Variants in COL5A3 observed in about 807,000 individuals in gnomAD.
The protein encoded by COL5A3 is collagen type V alpha 3 chain.
Under a neutral mutation model 250.0 loss-of-function variants are expected in COL5A3, and 172 were observed. That is an observed-to-expected ratio of 0.69 (90% confidence interval 0.61 to 0.78). COL5A3 has a LOEUF of 0.78. Among genes scored for constraint, COL5A3 ranks in the 30% least tolerant of loss-of-function variants. COL5A3 has a pLI of 0.00. For synonymous variants in COL5A3, 937 were observed against 900.4 expected (o/e 1.04, Z -0.73); for missense variants, 2,340 against 2,334.4 (o/e 1.00, Z -0.05).
intron 45 of COL5A3, among the ~76,000 whole-genome samples, chr19:9,974,899 G>GT (rs2074455835): frequency 6.6e-6 from 1 of 151,898 alleles, no homozygotes; most frequent in African/African-American, 2.4e-5. Context: ...GTTTGTTTTT[G>GT]TTTTTTGTTT....
chr19:9,982,273 T>A (rs561295128), intron 31 of COL5A3, among the ~76,000 whole-genome samples, 155 bp from the exon 32 acceptor site: 34 of 152,036 alleles, frequency 2.2e-4, no homozygotes, highest in African/African-American at 8.0e-4. Flanking sequence ...GCAGCCCTCT[T>A]CTCTCCTCTC....
intron 39 of COL5A3, 45 bp from the exon 40 acceptor site, chr19:9,979,025 G>A: frequency 3.4e-6 from 5 of 1,480,000 alleles, no homozygotes; most frequent in East Asian, 2.3e-5. Context: ...GGGAGGGGAT[G>A]TCTCCCTCCA....
intron 65 of COL5A3, among the ~76,000 whole-genome samples, chr19:9,961,247 C>T (rs1167427385): frequency 2.0e-5 from 3 of 152,206 alleles, no homozygotes; most frequent in African/African-American, 4.8e-5. Context: ...GTCCCTGATA[C>T]CAGATTTCTG....
chr19:9,980,307 G>A (rs551293851), intron 35 of COL5A3, among the ~76,000 whole-genome samples: 1 of 152,296 alleles, frequency 6.6e-6, no homozygotes, highest in Admixed American at 6.5e-5. Flanking sequence ...CACAGTAGGT[G>A]AGTGGCAGAG....
intron 39 of COL5A3, 76 bp from the exon 40 acceptor site, chr19:9,979,056 T>A (rs2086966465): frequency 6.8e-7 from 1 of 1,464,240 alleles, no homozygotes; most frequent in Non-Finnish European, 9.2e-7. Context: ...CAGGGCCCCC[T>A]CCCCCATGAG....
At chr19:10,002,603 C>T (rs1192147498) in intron 6 of COL5A3, among the ~76,000 whole-genome samples, 3 of 152,016 alleles carry the variant, frequency 2.0e-5, no homozygotes, top group African/African-American at 7.3e-5. Context: ...ATTTTCCTAA[C>T]CAGTGACCTC....
intron 31 of COL5A3, among the ~76,000 whole-genome samples, chr19:9,984,288 G>T (rs554690684): frequency 6.6e-6 from 1 of 152,226 alleles, no homozygotes; most frequent in South Asian, 2.1e-4. Flanking sequence ...CTCCCAAAGT[G>T]CTGGGATTAC....
intron 62 of COL5A3, 121 bp from the exon 63 acceptor site, chr19:9,966,867 A>G (rs2086756222): frequency 2.7e-6 from 2 of 734,820 alleles, no homozygotes; most frequent in Admixed American, 2.7e-5. Context: ...GGAGGGAGAG[A>G]GATAAACAAG....
At chr19:9,997,272 C>A in intron 11 of COL5A3, 99 bp downstream of exon 11, 1 of 888,080 alleles carries the variant, frequency 1.1e-6, no homozygotes, top group Non-Finnish European at 1.9e-6. Context: ...GGATGGTGTT[C>A]CCGAGTGCCA....
At chr19:9,993,532 C>G (rs575677612) in intron 18 of COL5A3, 87 bp downstream of exon 18, 2 of 1,579,656 alleles carry the variant, frequency 1.3e-6, no homozygotes, top group Non-Finnish European at 1.7e-6. Flanking sequence ...ACACAGGGAT[C>G]ATGACTCTGA....
At chr19:9,984,854 G>A (rs1006383811) in intron 31 of COL5A3, among the ~76,000 whole-genome samples, 6 of 151,510 alleles carry the variant, frequency 4.0e-5, no homozygotes, top group Admixed American at 2.6e-4. Context: ...GCAGTGGCTC[G>A]ATCATAGCTC....
intron 65 of COL5A3, among the ~76,000 whole-genome samples, chr19:9,962,202 G>A (rs962946455): frequency 6.6e-6 from 1 of 152,054 alleles, no homozygotes; most frequent in African/African-American, 2.4e-5. Flanking sequence ...TTCCTCCAGG[G>A]CTCAAGTGAT....
intron 5 of COL5A3, 47 bp downstream of exon 5, chr19:10,003,994 A>G (rs1318139069): frequency 1.4e-6 from 2 of 1,455,688 alleles, no homozygotes; most frequent in East Asian, 2.3e-5. Context: ...GCCAGGAAGG[A>G]CCCAGCCTGT....
chr19:9,992,143 C>T, intron 21 of COL5A3, 95 bp from the exon 22 acceptor site: 2 of 1,079,990 alleles, frequency 1.9e-6, no homozygotes, highest in Non-Finnish European at 1.4e-6. Flanking sequence ...GTGAGCAGGG[C>T]CGGGCACTGT....
Position 9,960,273 on chromosome 19 carries a change from G to C in COL5A3, c.*138C>G. On this transcript the variant is annotated 3_prime_UTR_variant, in exon 67 of 67. Coordinates refer to ENST00000264828, the MANE Select transcript of COL5A3 (RefSeq NM_015719.4). The stretch of plus-strand genomic sequence containing the variant: ...CAGCACCCTGGAAAGGAGAAGGAAT[G>C]ACTGTCCGTGATGAGCGAAGTCACA... The C allele has an allele frequency of 9.5e-7, 1 of 1,057,742 alleles. No homozygotes were observed. The highest frequency in any genetic ancestry group is 2.6e-5 in the East Asian group (1 of 38,856). The allele number at this position is 1,057,742 out of a possible 1,614,324, so 65.5% of individuals were successfully genotyped here.
At chr19:9,974,010 C>A (rs1413533281) in intron 47 of COL5A3, 38 bp from the exon 48 acceptor site, 3 of 1,525,602 alleles carry the variant, frequency 2.0e-6, no homozygotes, top group Admixed American at 2.1e-5. Context: ...TGACCCCAGG[C>A]CCCTCTCCCC....
Position 9,960,543 on chromosome 19 carries a change from C to A in COL5A3, c.5106G>T (p.Gln1702His). The A allele has an allele frequency of 6.2e-7, 1 of 1,614,210 alleles. No homozygotes were observed. Among genetic ancestry groups the A allele is most frequent in the Non-Finnish European group, 8.5e-7 (1 of 1,180,044 alleles). Residue 1702 changes from glutamine (Q) to histidine (H), a missense_variant, in exon 67 of 67, where the codon CAG becomes CAT. Transcript: ENST00000264828. ...AGCTGAATTCGAAAAGGGTCTTCGT[C>A]TGTCCTTTCCGGAGCTGTCCCCAGA... ...PQDGCRLRKG[Q>H]TKTLFEFSSS...
At chr19:9,997,286 C>A in intron 11 of COL5A3, 85 bp downstream of exon 11, 1 of 1,028,060 alleles carries the variant, frequency 9.7e-7, no homozygotes, top group African/African-American at 1.6e-5. Flanking sequence ...AGTGCCACAC[C>A]CTCATATCTA....
At position 9,976,455 on chromosome 19, in the gene COL5A3, G is replaced by T. The variant is rs896020411; in HGVS notation, c.3342+103C>A. The T allele has an allele frequency of 2.1e-5, 17 of 818,042 alleles. 1 individual carries two copies. The Admixed American group carries it at 5.0e-4, about 24-fold the overall frequency. 50.7% of individuals were successfully genotyped at this position (818,042 alleles called of 1,614,324 possible). On this transcript the variant is annotated intron_variant, in intron 45 of 66. Transcript: ENST00000264828. ...CAGTACTGAGGGAAGATCAGGGTTG[G>T]GTTTGAGGTTTGGATTAAGTCAGTG...
Sources: gnomAD v4.1 joint callset for allele counts (sites outside exome capture counted in the v4.1 genomes callset) on GRCh38, gnomAD v4.1.1 for gene constraint, MANE v1.5 for transcripts, NCBI Gene and HGNC (gene_info 2026-07-23, HGNC 2026-07-21) for gene names.